The following ECPAS variants were observed in gnomAD, a reference collection of about 807,000 sequenced individuals.
The protein encoded by ECPAS is Ecm29 proteasome adaptor and scaffold.
ECPAS carries 70 observed loss-of-function variants against 255.1 expected under a neutral mutation model. That is an observed-to-expected ratio of 0.27 (90% CI 0.23 to 0.33). ECPAS has a LOEUF of 0.33. Among genes scored for constraint, ECPAS ranks in the 10% least tolerant of loss-of-function variants. ECPAS has a pLI of 1.00. For synonymous variants in ECPAS, 784 were observed against 775.0 expected (o/e 1.01, Z -0.19); for missense variants, 1,817 against 2,206.4 (o/e 0.82, Z 3.54).
intron 1 of ECPAS, chr9:111,483,493 G>A (rs1157003755): frequency 3.1e-6 from 3 of 978,546 alleles, no homozygotes; most frequent in East Asian, 2.3e-4. Flanking sequence ...AGGTTCGGCC[G>A]CGGCACTTAC....
intron 3 of ECPAS, among the ~76,000 whole-genome samples, chr9:111,449,590 A>T (rs1023098647): frequency 5.3e-5 from 8 of 152,230 alleles, no homozygotes; most frequent in African/African-American, 1.9e-4. Context: ...ATGACTTTCT[A>T]TAAAAAAATA....
chr9:111,457,426 G>C (rs1395652003), intron 2 of ECPAS, among the ~76,000 whole-genome samples: 3 of 152,150 alleles, frequency 2.0e-5, no homozygotes, highest in East Asian at 1.9e-4. Context: ...ATATGGGAGA[G>C]ATTAGGATTC....
At chr9:111,367,488 T>C (rs942944651) in intron 46 of ECPAS, among the ~76,000 whole-genome samples, 2 of 152,212 alleles carry the variant, frequency 1.3e-5, no homozygotes, top group African/African-American at 4.8e-5. Context: ...ATCTTTCTCA[T>C]ATAATTCCCT....
At chr9:111,407,984 G>A (rs1025623920) in intron 24 of ECPAS, among the ~76,000 whole-genome samples, 1 of 152,160 alleles carries the variant, frequency 6.6e-6, no homozygotes, top group Non-Finnish European at 1.5e-5. Context: ...GTCAGGGAAG[G>A]CTTTTCAAGG....
chr9:111,446,267 G>A (rs2098252822), intron 3 of ECPAS, among the ~76,000 whole-genome samples: 1 of 152,220 alleles, frequency 6.6e-6, no homozygotes, highest in Admixed American at 6.5e-5. Flanking sequence ...AGAAAGGGAT[G>A]TACAGAGGCT....
At position 111,425,475 on chromosome 9, in the gene ECPAS, C is replaced by T. The variant is rs369505623; in HGVS notation, c.1158G>A (p.Lys386=). ...ICITCPEIKI[K]PLGPMLLNGL... ...CATTCAAAAGCATTGGACCTAATGG[C>T]TTAATCTTGATTTCTGGACAGCTTT... Residue 386 remains lysine (K), a synonymous_variant, in exon 12 of 50, where the codon AAG becomes AAA. Transcript: ENST00000684092. The T allele has an allele frequency of 3.1e-6, 5 of 1,599,070 alleles. No homozygotes were observed. The highest frequency in any genetic ancestry group is 4.3e-6 in the Non-Finnish European group (5 of 1,173,312).
intron 27 of ECPAS, among the ~76,000 whole-genome samples, chr9:111,393,173 C>A (rs2098162783): frequency 6.6e-6 from 1 of 152,160 alleles, no homozygotes; most frequent in Non-Finnish European, 1.5e-5. Context: ...GACAGATTAT[C>A]CATGGGCTGT....
chr9:111,410,020 A>T, intron 23 of ECPAS, 21 bp downstream of exon 23: 1 of 1,537,606 alleles, frequency 6.5e-7, no homozygotes, highest in Non-Finnish European at 8.8e-7. Flanking sequence ...CAGAAAGGGA[A>T]AAAATAAGAA....
intron 18 of ECPAS, among the ~76,000 whole-genome samples, chr9:111,415,060 A>G (rs1208233461): frequency 6.6e-6 from 1 of 152,162 alleles, no homozygotes; most frequent in Non-Finnish European, 1.5e-5. Context: ...GAGGGAGAGG[A>G]GCAGAAAAGA....
chr9:111,438,241 T>C (rs1238257266), intron 6 of ECPAS, among the ~76,000 whole-genome samples: 1 of 152,214 alleles, frequency 6.6e-6, no homozygotes, highest in Non-Finnish European at 1.5e-5. Context: ...ATTTAACAAA[T>C]ATAAAAAGAA....
At chr9:111,384,603 T>C (rs2098145098) in intron 33 of ECPAS, 34 bp from the exon 34 acceptor site, 2 of 1,602,104 alleles carry the variant, frequency 1.2e-6, no homozygotes, top group Admixed American at 1.7e-5. Context: ...TCATACAAGT[T>C]AGAGAGTTTC....
At chr9:111,440,166 G>A (rs1254106765) in intron 6 of ECPAS, among the ~76,000 whole-genome samples, 2 of 152,054 alleles carry the variant, frequency 1.3e-5, no homozygotes, top group Non-Finnish European at 1.5e-5. Context: ...TCTTAGGCAG[G>A]TAGAGTCTAA....
At chr9:111,407,422 A>AC (rs2098186275) in intron 24 of ECPAS, among the ~76,000 whole-genome samples, 1 of 144,144 alleles carries the variant, frequency 6.9e-6, no homozygotes, top group Non-Finnish European at 1.5e-5. Flanking sequence ...AAAAAAAAAA[A>AC]AAAAAAAAAA....
chr9:111,422,180 G>A lies in ECPAS; in HGVS notation c.1286C>T (p.Thr429Ile). The change falls in exon 14 of 50, where the codon ACT becomes ATT. Residue 429 changes from threonine to isoleucine, a missense_variant. By Grantham distance (89) the Thr-to-Ile change is moderately conservative (BLOSUM62 -1). Transcript: ENST00000684092. ...CTGCTGCACAAGCGCTATATCCTTA[G>A]TGAATAAATGTGGCATCCGACTGCA... ...KLSSRMPHLF[T>I]KDIALVQQLF... 1 of 1,613,558 alleles carries A rather than the reference G, an allele frequency of 6.2e-7. No homozygotes were observed. The highest frequency in any genetic ancestry group is 1.1e-5 in the South Asian group (1 of 91,036).
intron 8 of ECPAS, among the ~76,000 whole-genome samples, chr9:111,431,506 C>T (rs889060124): frequency 2.0e-5 from 3 of 148,664 alleles, no homozygotes; most frequent in Admixed American, 6.8e-5. Context: ...TGCAGTGAGC[C>T]GAGATTGTGC....
rs373290698 is a variant in ECPAS, at chr9:111,445,480, C to T, written c.154-986G>A. On this transcript the variant is annotated intron_variant, in intron 3 of 49. Coordinates refer to ENST00000684092, the MANE Select transcript of ECPAS (RefSeq NM_001364929.1). ...ATCTGCTATATCAAGAAAGACTTCA[C>T]GGAGGAAGTGACAGGAACACTGAGT... Among the ~76,000 whole-genome samples, 27 of 151,698 alleles carry T rather than the reference C, an allele frequency of 1.8e-4. No individual in the cohort carries two copies. The South Asian group carries it at 2.9e-3, about 16-fold the overall frequency.
At chr9:111,461,009 G>A (rs1012554661) in intron 2 of ECPAS, among the ~76,000 whole-genome samples, 2 of 151,630 alleles carry the variant, frequency 1.3e-5, no homozygotes, top group African/African-American at 4.8e-5. Flanking sequence ...CTCAATCAAT[G>A]AATGAGTGGA....
intron 9 of ECPAS, among the ~76,000 whole-genome samples, chr9:111,428,976 G>A (rs1242291013): frequency 6.6e-6 from 1 of 152,114 alleles, no homozygotes; most frequent in Non-Finnish European, 1.5e-5. Context: ...TATCACCTGT[G>A]TTCTAACGGC....
chr9:111,386,067 G>A (rs540814655), intron 32 of ECPAS, among the ~76,000 whole-genome samples: 5 of 152,298 alleles, frequency 3.3e-5, no homozygotes, highest in South Asian at 2.1e-4. Context: ...GGGTTCAAGC[G>A]ATTCTCCTGC....
Sources: gnomAD v4.1 joint callset for allele counts (sites outside exome capture counted in the v4.1 genomes callset) on GRCh38, gnomAD v4.1.1 for gene constraint, MANE v1.5 for transcripts, NCBI Gene and HGNC (gene_info 2026-07-23, HGNC 2026-07-21) for gene names.